Variants in JADE2 observed in about 807,000 individuals in gnomAD.
JADE2 encodes the protein jade family PHD finger 2.
Under a neutral mutation model 85.7 loss-of-function variants are expected in JADE2, and 13 were observed. The ratio of observed to expected loss-of-function variants is 0.15; its 90% CI spans 0.10 to 0.24. The LOEUF (loss-of-function observed/expected upper bound fraction) is 0.24. Ranked by LOEUF, JADE2 falls within the 10% of genes least tolerant of loss-of-function variation. The probability of loss-of-function intolerance (pLI) is 1.00; values close to 1 mark genes in which losing one functional copy is unlikely to be tolerated. For missense variants in JADE2, 846 were observed against 1,115.9 expected, an observed-to-expected ratio of 0.76 and a Z score of 3.45; for synonymous variants, 440 against 456.1, an observed-to-expected ratio of 0.96 and a Z score of 0.45.
chr5:134,542,740 C>T (rs889946975), intron 3 of JADE2, among the ~76,000 whole-genome samples: 2 of 150,966 alleles, frequency 1.3e-5, no homozygotes, highest in African/African-American at 4.9e-5. Context: ...CCATGCCTGG[C>T]CTTTTTTTTT....
rs10568722 is a variant in JADE2, at chr5:134,542,435, C to CT, written c.153+4375dup. ...GGAGTAGCACCCTAGGTACCTATAC[C>CT]TTTTTTTTTTTTTTTTTTTTTTTGA... On this transcript the variant is annotated intron_variant, in intron 3 of 11. Transcript: ENST00000681547. Among the ~76,000 whole-genome samples, 741 of 93,330 alleles carry CT rather than the reference C, an allele frequency of 7.9e-3. 2 individuals carry two copies. Among genetic ancestry groups the CT allele is most frequent in the Non-Finnish European group, 8.6e-3 (417 of 48,292 alleles). The allele number at this position is 93,330 out of a possible 152,430, so 61.2% of individuals were successfully genotyped here.
chr5:134,540,262 A>G (rs1345542491), intron 3 of JADE2, among the ~76,000 whole-genome samples: 1 of 151,818 alleles, frequency 6.6e-6, no homozygotes, highest in African/African-American at 2.4e-5. Flanking sequence ...TCTGTCACTC[A>G]GGATGGAGTG....
intron 1 of JADE2, chr5:134,526,401 G>A (rs1760822320): frequency 2.0e-6 from 2 of 985,220 alleles, no homozygotes; most frequent in East Asian, 1.1e-4. Context: ...GGCTCCGGCC[G>A]GGCGTAGGGG....
intron 3 of JADE2, among the ~76,000 whole-genome samples, chr5:134,547,396 T>G (rs1323189624): frequency 6.6e-6 from 1 of 152,262 alleles, no homozygotes; most frequent in Non-Finnish European, 1.5e-5. Context: ...CAGCAGACCT[T>G]TAAAGACAAT....
At chr5:134,538,857 GCT>G (rs1250730672) in intron 3 of JADE2, among the ~76,000 whole-genome samples, 2 of 150,488 alleles carry the variant, frequency 1.3e-5, no homozygotes, top group Non-Finnish European at 3.0e-5. Context: ...CTTAATCCTG[GCT>G]CTTTTTTTTT....
chr5:134,566,456 C>T lies in JADE2; in HGVS notation c.1310C>T (p.Ala437Val), dbSNP rs1581466380. The T allele has an allele frequency of 6.2e-7, 1 of 1,613,612 alleles. No homozygotes were observed. The highest frequency in any genetic ancestry group is 1.3e-5 in the African/African-American group (1 of 75,034). The change falls in exon 9 of 12, where the codon GCC becomes GTC. Residue 437 changes from alanine to valine, a missense_variant. This residue lies in a region of JADE2 where 88 missense variants were observed against 140.6 expected (regional missense o/e 0.63). Transcript: ENST00000681547. This position sits in a 1 kb window ranked among gnomAD's most constrained non-coding sequence, Gnocchi z 6.7. ...CAGTACTGGAAGCTGAAGAGGAAAG[C>T]CAATGCCAACCAGCCGCTGCTGACC... ...IYQYWKLKRK[A>V]NANQPLLTPK...
chr5:134,577,265 A>G (rs1050409831), intron 11 of JADE2, among the ~76,000 whole-genome samples: 5 of 151,952 alleles, frequency 3.3e-5, no homozygotes, highest in Admixed American at 6.5e-5. Context: ...TCCTTGTCCT[A>G]CTCTCCCAGA....
In JADE2 at chr5:134,562,481, C is replaced by A; in HGVS notation, c.852+114C>A. On this transcript the variant is annotated intron_variant, in intron 7 of 11. Coordinates refer to ENST00000681547, the MANE Select transcript of JADE2 (RefSeq NM_001388185.1). This position sits in a 1 kb window ranked among gnomAD's most constrained non-coding sequence, Gnocchi z 4.6. The stretch of plus-strand genomic sequence containing the variant: ...AGAAGGTGATGGACTCGCACTAAAA[C>A]ACTGAGATCGGCCGGGCGCGGTGGC... The A allele has an allele frequency of 2.7e-6, 3 of 1,128,486 alleles. No individual in the cohort carries two copies. The highest frequency in any genetic ancestry group is 3.7e-6 in the Non-Finnish European group (3 of 800,648). The allele number at this position is 1,128,486 out of a possible 1,614,324, so 69.9% of individuals were successfully genotyped here. A position where few individuals can be genotyped will look rare whatever the true frequency, so the allele number is the denominator to read the frequency against.
intron 4 of JADE2, among the ~76,000 whole-genome samples, chr5:134,554,111 C>T (rs775715970): frequency 5.3e-5 from 8 of 152,120 alleles, no homozygotes; most frequent in Non-Finnish European, 1.2e-4. Flanking sequence ...ACAGCTGTTA[C>T]CTCCCCTGAC....
chr5:134,526,565 C>T, intron 1 of JADE2: 1 of 985,424 alleles, frequency 1.0e-6, no homozygotes, highest in Non-Finnish European at 1.2e-6. Context: ...TGCACATGAC[C>T]TCGCGCTGGG....
chr5:134,563,405 G>T (rs563702132), intron 7 of JADE2, among the ~76,000 whole-genome samples: 15 of 152,320 alleles, frequency 9.8e-5, no homozygotes, highest in African/African-American at 3.6e-4. Flanking sequence ...ATGGTGGGGT[G>T]GGTGTGTTTC....
rs1763674378 is a variant in JADE2 at position 134,566,866 on chromosome 5, C to G, written c.1434+286C>G. Among the ~76,000 whole-genome samples, 1 of 152,204 alleles carries G rather than the reference C, an allele frequency of 6.6e-6. No individual in the cohort carries two copies. Among genetic ancestry groups the G allele is most frequent in the African/African-American group, 2.4e-5 (1 of 41,452 alleles). On this transcript the variant is annotated intron_variant, in intron 9 of 11. Coordinates refer to ENST00000681547, the MANE Select transcript of JADE2 (RefSeq NM_001388185.1). The surrounding 1 kb of genome is among the most constrained non-coding windows in gnomAD (Gnocchi z 6.7). The stretch of plus-strand genomic sequence containing the variant: ...GCCTGGTGAATGGTGGGGGCCCTGC[C>G]AAGGTCATGAGGCTGAGAGCACCAG...
intron 4 of JADE2, among the ~76,000 whole-genome samples, 153 bp downstream of exon 4, chr5:134,552,362 T>C (rs1023441654): frequency 6.6e-6 from 1 of 152,202 alleles, no homozygotes; most frequent in Non-Finnish European, 1.5e-5. Context: ...ATTGAAATGT[T>C]CCAGAAATAC....
At chr5:134,558,771 CA>C (rs1165378918) in intron 4 of JADE2, among the ~76,000 whole-genome samples, 1 of 152,258 alleles carries the variant, frequency 6.6e-6, no homozygotes, top group Non-Finnish European at 1.5e-5. Context: ...CTCCTCATCA[CA>C]GGTGATTCAC....
At position 134,580,931 on chromosome 5, in the gene JADE2, G is replaced by A. The variant is rs922002449; in HGVS notation, c.*1614G>A. Reference sequence around the variant, plus strand: ...TTTCCTAAACTGTGAGACTCACAGAGGGGAAAGATACTGACGGTGAAACCA... The same window carrying A: ...TTTCCTAAACTGTGAGACTCACAGAAGGGAAAGATACTGACGGTGAAACCA... On this transcript the variant is annotated 3_prime_UTR_variant, in exon 12 of 12. Coordinates refer to ENST00000681547, the MANE Select transcript of JADE2 (RefSeq NM_001388185.1). 5 of 152,594 alleles carry A rather than the reference G, an allele frequency of 3.3e-5. No homozygotes were observed. The East Asian group carries it at 9.6e-4, about 29-fold the overall frequency. 9.5% of individuals were successfully genotyped at this position (152,594 alleles called of 1,614,324 possible). A position where few individuals can be genotyped will look rare whatever the true frequency, so the allele number is the denominator to read the frequency against.
At chr5:134,555,922 C>T (rs1762884245) in intron 4 of JADE2, among the ~76,000 whole-genome samples, 1 of 152,124 alleles carries the variant, frequency 6.6e-6, no homozygotes, top group Non-Finnish European at 1.5e-5. Context: ...GTGCCAAGCC[C>T]CTTCCCCTTC....
chr5:134,524,700 C>T (rs776525213), upstream of JADE2, among the ~76,000 whole-genome samples: 3 of 152,200 alleles, frequency 2.0e-5, no homozygotes, highest in African/African-American at 4.8e-5. Context: ...CCAGGAGGCA[C>T]CCGGGAGGGG....
rs769329397 is a variant in JADE2, at chr5:134,562,153, C to T, written c.685-47C>T. On this transcript the variant is annotated intron_variant, in intron 6 of 11. Transcript: ENST00000681547. The surrounding 1 kb of genome is among the most constrained non-coding windows in gnomAD (Gnocchi z 4.6). ...AATGCAGCTGACTGCTGACCAGACA[C>T]AGATTGGCCAGTTCCGCTGACTCAT... is the stretch of plus-strand genomic sequence containing the variant. The T allele has an allele frequency of 5.2e-6, 8 of 1,548,840 alleles. No individual in the cohort carries two copies. Among genetic ancestry groups the T allele is most frequent in the Admixed American group, 3.6e-5 (2 of 55,568 alleles).
intron 9 of JADE2, among the ~76,000 whole-genome samples, chr5:134,570,574 C>T (rs1321632988): frequency 2.6e-5 from 4 of 152,172 alleles, no homozygotes; most frequent in Admixed American, 6.5e-5. Flanking sequence ...GGGTTTCCGC[C>T]ACATCCCAGA....
Sources: gnomAD v4.1 joint callset for allele counts (sites outside exome capture counted in the v4.1 genomes callset) on GRCh38, gnomAD v4.1.1 for gene constraint, gnomAD v4.1.1 regional missense constraint, Gnocchi (gnomAD v3.1) non-coding constraint, MANE v1.5 for transcripts, NCBI Gene and HGNC (gene_info 2026-07-23, HGNC 2026-07-21) for gene names.